Variants in MRPS28 observed in about 807,000 individuals in gnomAD.
MRPS28 encodes the protein small ribosomal subunit protein bS1m.
MRPS28 carries 7 observed loss-of-function variants against 10.8 expected under a neutral mutation model. The observed-to-expected ratio is 0.65, with a 90% CI of 0.37 to 1.22. The LOEUF (loss-of-function observed/expected upper bound fraction) is 1.22. MRPS28 is among the 50% of genes most tolerant of loss of function. The pLI, the probability that MRPS28 is intolerant of heterozygous loss-of-function variation, is 0.02. For missense variants in MRPS28, 265 were observed against 232.9 expected (o/e 1.14, Z -0.90); for synonymous variants, 121 against 93.3 (o/e 1.30, Z -1.71).
intron 1 of MRPS28, among the ~76,000 whole-genome samples, chr8:80,022,807 C>T (rs951202909): frequency 6.6e-6 from 1 of 152,048 alleles, no homozygotes; most frequent in Non-Finnish European, 1.5e-5. Flanking sequence ...TAGAAGCAAA[C>T]TTAGACACAT....
intron 1 of MRPS28, among the ~76,000 whole-genome samples, chr8:80,005,811 C>CA (rs907111301): frequency 2.0e-5 from 3 of 151,668 alleles, no homozygotes; most frequent in African/African-American, 7.3e-5. Context: ...AAATGGAAAA[C>CA]AAAAAAAGGC....
In MRPS28 at chr8:79,987,342, T is replaced by G. The variant is rs1042342163; in HGVS notation, c.395+15657A>C. 3.3e-5 allele frequency among the ~76,000 whole-genome samples: 5 copies of G among 152,250 alleles called. No individual in the cohort carries two copies. In the South Asian group the frequency reaches 6.2e-4, roughly 19 times the overall value. ...AAAACCCTAGAAGAAAACCTAGGCA[T>G]TACCATTCAGGACATAGGCATGGAA... On this transcript the variant is annotated intron_variant, in intron 2 of 2. Coordinates refer to ENST00000276585, the MANE Select transcript of MRPS28 (RefSeq NM_014018.3).
intron 1 of MRPS28, among the ~76,000 whole-genome samples, chr8:80,006,364 C>A (rs1430326964): frequency 6.6e-6 from 1 of 152,146 alleles, no homozygotes; most frequent in Admixed American, 6.5e-5. Context: ...ACTGAACAAC[C>A]TGCTCCTGAA....
At chr8:79,968,258 G>A (rs550971763) in intron 2 of MRPS28, among the ~76,000 whole-genome samples, 1 of 152,142 alleles carries the variant, frequency 6.6e-6, no homozygotes, top group African/African-American at 2.4e-5. Context: ...TTTAAAGCAA[G>A]ATCCTGTCCT....
chr8:79,946,499 A>C lies in MRPS28; in HGVS notation c.396-27351T>G, dbSNP rs187297747. 3.1e-3 allele frequency among the ~76,000 whole-genome samples: 473 copies of C among 152,262 alleles called. 3 individuals carry two copies. The highest frequency in any genetic ancestry group is 0.011 in the African/African-American group (437 of 41,562). ...CTTATAGAAAAAGAACCAATTTGCCAAAATTAGACCTAGTTATTAAAAACA... is the reference window on the plus strand; with the variant it reads ...CTTATAGAAAAAGAACCAATTTGCCCAAATTAGACCTAGTTATTAAAAACA... On this transcript the variant is annotated intron_variant, in intron 2 of 2. Coordinates refer to ENST00000276585, the MANE Select transcript of MRPS28 (RefSeq NM_014018.3).
chr8:79,928,485 A>C (rs1219014054), intron 2 of MRPS28, among the ~76,000 whole-genome samples: 1 of 151,926 alleles, frequency 6.6e-6, no homozygotes, highest in Non-Finnish European at 1.5e-5. Flanking sequence ...TGTCACTCAG[A>C]CTGGAATACT....
chr8:79,986,189 C>T (rs1808163911), intron 2 of MRPS28, among the ~76,000 whole-genome samples: 1 of 152,150 alleles, frequency 6.6e-6, no homozygotes, highest in Admixed American at 6.6e-5. Flanking sequence ...TTGATTATCT[C>T]AATAGATGCA....
At chr8:80,013,958 T>A (rs1036007945) in intron 1 of MRPS28, among the ~76,000 whole-genome samples, 1 of 152,086 alleles carries the variant, frequency 6.6e-6, no homozygotes. Flanking sequence ...TAAAAAATTG[T>A]AAAAATTATA....
chr8:79,951,371 A>G (rs891764522), intron 2 of MRPS28, among the ~76,000 whole-genome samples: 2 of 152,168 alleles, frequency 1.3e-5, no homozygotes, highest in African/African-American at 2.4e-5. Context: ...AAGGTGTGTT[A>G]TAAGGGCAAA....
intron 1 of MRPS28, among the ~76,000 whole-genome samples, chr8:80,017,881 TACC>T (rs1809237805): frequency 6.6e-6 from 1 of 152,180 alleles, no homozygotes; most frequent in Non-Finnish European, 1.5e-5. Flanking sequence ...AAAAATTATA[TACC>T]ACAACTGAGA....
chr8:79,979,083 A>AT (rs1263196757), intron 2 of MRPS28, among the ~76,000 whole-genome samples: 2 of 152,210 alleles, frequency 1.3e-5, no homozygotes, highest in African/African-American at 2.4e-5. Flanking sequence ...GGTAAATAAA[A>AT]TTTTTTATTT....
At chr8:79,951,221 G>A (rs912313476) in intron 2 of MRPS28, among the ~76,000 whole-genome samples, 2 of 152,144 alleles carry the variant, frequency 1.3e-5, no homozygotes, top group Admixed American at 6.5e-5. Flanking sequence ...TGCACCCAGG[G>A]CTTGTTAGTC....
At position 79,963,449 on chromosome 8, in the gene MRPS28, C is replaced by T. The variant is rs138976603; in HGVS notation, c.395+39550G>A. 2.3e-4 allele frequency among the ~76,000 whole-genome samples: 35 copies of T among 152,192 alleles called. No homozygotes were observed. The East Asian group carries it at 6.6e-3, about 29-fold the overall frequency. On this transcript the variant is annotated intron_variant, in intron 2 of 2. Transcript: ENST00000276585. ...CTGTGACTATATAATTACCTGTTTG[C>T]ATTAACATAGACCACAGTTTAGATT... is the stretch of plus-strand genomic sequence containing the variant.
intron 2 of MRPS28, among the ~76,000 whole-genome samples, chr8:79,977,815 A>AAATAATAATAAT (rs147911236): frequency 1.3e-5 from 2 of 150,514 alleles, no homozygotes; most frequent in East Asian, 3.9e-4. Flanking sequence ...AGACTGTCTC[A>AAATAATAATAAT]AATAATAATA....
intron 2 of MRPS28, among the ~76,000 whole-genome samples, chr8:79,968,211 T>C (rs887656402): frequency 2.0e-5 from 3 of 152,164 alleles, no homozygotes; most frequent in Non-Finnish European, 2.9e-5. Flanking sequence ...AAATCTCCAA[T>C]ATATTTTGTA....
chr8:79,939,863 G>T (rs1419159464), intron 2 of MRPS28, among the ~76,000 whole-genome samples: 2 of 151,958 alleles, frequency 1.3e-5, no homozygotes, highest in Non-Finnish European at 2.9e-5. Flanking sequence ...CCAGCTACTC[G>T]GGAGGCTGAG....
intron 2 of MRPS28, among the ~76,000 whole-genome samples, chr8:79,982,628 G>A (rs879409715): frequency 5.9e-5 from 9 of 152,170 alleles, no homozygotes; most frequent in Non-Finnish European, 1.2e-4. Flanking sequence ...CACCTGGCTC[G>A]GAGGGTCCTA....
chr8:79,988,341 G>A (rs970639145), intron 2 of MRPS28, among the ~76,000 whole-genome samples: 2 of 151,336 alleles, frequency 1.3e-5, no homozygotes, highest in Non-Finnish European at 2.9e-5. Flanking sequence ...GTTAATGGGT[G>A]CAGCACACCA....
At chr8:79,980,083 G>A (rs1240414149) in intron 2 of MRPS28, among the ~76,000 whole-genome samples, 1 of 152,162 alleles carries the variant, frequency 6.6e-6, no homozygotes, top group Non-Finnish European at 1.5e-5. Flanking sequence ...TAAGACGTAT[G>A]TAAAGCATAG....
Sources: gnomAD v4.1 joint callset for allele counts (sites outside exome capture counted in the v4.1 genomes callset) on GRCh38, gnomAD v4.1.1 for gene constraint, MANE v1.5 for transcripts, NCBI Gene and HGNC (gene_info 2026-07-23, HGNC 2026-07-21) for gene names.